IFT81: variants seen among roughly 807,000 people sequenced by gnomAD.
IFT81 encodes intraflagellar transport 81.
Under a neutral mutation model 102.6 loss-of-function variants are expected in IFT81, and 72 were observed. The ratio of observed to expected loss-of-function variants is 0.70; its 90% CI spans 0.58 to 0.85. The LOEUF (loss-of-function observed/expected upper bound fraction) is 0.85. Ranked by LOEUF, IFT81 falls within the 40% of genes least tolerant of loss-of-function variation. The pLI is 0.00. For synonymous variants in IFT81, 237 were observed against 242.7 expected, an observed-to-expected ratio of 0.98 and a Z score of 0.22; for missense variants, 723 against 787.3, an observed-to-expected ratio of 0.92 and a Z score of 0.98.
intron 14 of IFT81, among the ~76,000 whole-genome samples, chr12:110,201,008 A>T (rs1239187220): frequency 6.6e-6 from 1 of 152,174 alleles, no homozygotes; most frequent in Non-Finnish European, 1.5e-5. Context: ...AAAAAAATTG[A>T]CTTTTTTGTA....
chr12:110,165,231 G>A (rs370688786), intron 11 of IFT81, among the ~76,000 whole-genome samples: 11 of 152,194 alleles, frequency 7.2e-5, no homozygotes, highest in South Asian at 4.2e-4. Flanking sequence ...AGAAGGTATC[G>A]GGGAACATTA....
At chr12:110,191,505 T>C (rs1238476332) in intron 13 of IFT81, among the ~76,000 whole-genome samples, 1 of 152,198 alleles carries the variant, frequency 6.6e-6, no homozygotes, top group African/African-American at 2.4e-5. Context: ...TGAATTTTTT[T>C]CATTCTAGTA....
rs1450404153 is a variant in IFT81, at chr12:110,180,410, T to G, written c.1189-12T>G. 6.5e-7 allele frequency: 1 copy of G among 1,542,814 alleles called. No homozygotes were observed. The highest frequency in any genetic ancestry group is 1.4e-5 in the African/African-American group (1 of 73,552). On this transcript the variant is annotated splice_polypyrimidine_tract_variant and intron_variant, in intron 11 of 18. Transcript: ENST00000242591. ...TCTACTCATTAGATTACATATTGTG[T>G]TTTTTTTACAGTTCAAACGATATGT...
chr12:110,211,759 G>A (rs1869475031), intron 18 of IFT81, among the ~76,000 whole-genome samples: 1 of 151,508 alleles, frequency 6.6e-6, no homozygotes, highest in South Asian at 2.1e-4. Context: ...CATCCACCTT[G>A]GCCTCCCAAA....
intron 12 of IFT81, among the ~76,000 whole-genome samples, chr12:110,189,064 C>T (rs1335444625): frequency 6.6e-6 from 1 of 152,040 alleles, no homozygotes; most frequent in Non-Finnish European, 1.5e-5. Context: ...TCCTGTAAAA[C>T]TTCTTCTTCT....
At chr12:110,126,642 T>C (rs1306875705) in intron 1 of IFT81, among the ~76,000 whole-genome samples, 1 of 152,156 alleles carries the variant, frequency 6.6e-6, no homozygotes, top group Non-Finnish European at 1.5e-5. Context: ...TGCCAGATCA[T>C]AAAGAGTCTG....
At chr12:110,174,337 C>G (rs1305010426) in intron 11 of IFT81, among the ~76,000 whole-genome samples, 2 of 147,432 alleles carry the variant, frequency 1.4e-5, no homozygotes, top group Non-Finnish European at 3.0e-5. Context: ...TGCCTGTAAT[C>G]CCAGCTACTT....
At chr12:110,188,526 ACT>A (rs1241555454) in intron 12 of IFT81, among the ~76,000 whole-genome samples, 3 of 151,088 alleles carry the variant, frequency 2.0e-5, no homozygotes, top group Admixed American at 2.0e-4. Context: ...CAGAATCTTA[ACT>A]CTTCTTCCAT....
chr12:110,191,371 A>G (rs982472844), intron 13 of IFT81, among the ~76,000 whole-genome samples: 5 of 151,890 alleles, frequency 3.3e-5, no homozygotes, highest in African/African-American at 1.2e-4. Context: ...GGGTTTCACC[A>G]TGTTGGGCAG....
At chr12:110,132,926 A>G (rs1303996262) in intron 5 of IFT81, among the ~76,000 whole-genome samples, 2 of 151,140 alleles carry the variant, frequency 1.3e-5, no homozygotes, top group Non-Finnish European at 1.5e-5. Flanking sequence ...AAGAACCTAG[A>G]GTCTATATTT....
intron 1 of IFT81, 109 bp from the exon 2 acceptor site, chr12:110,127,251 A>C (rs1208612929): frequency 1.2e-5 from 12 of 1,038,170 alleles, no homozygotes; most frequent in Non-Finnish European, 1.6e-5. Context: ...TTTGTATGCC[A>C]TGTAAAATTA....
chr12:110,196,021 G>T (rs1354974404), intron 14 of IFT81, among the ~76,000 whole-genome samples: 1 of 152,178 alleles, frequency 6.6e-6, no homozygotes, highest in African/African-American at 2.4e-5. Context: ...GTGTTCATCA[G>T]ATCAGGCTTA....
At chr12:110,152,640 A>G (rs1462376193) in intron 10 of IFT81, among the ~76,000 whole-genome samples, 1 of 150,900 alleles carries the variant, frequency 6.6e-6, no homozygotes, top group African/African-American at 2.4e-5. Flanking sequence ...ATAGGGTCTC[A>G]CTCTATTGCC....
Position 110,147,038 on chromosome 12 carries a change from A to G in IFT81, c.1031A>G (p.Tyr344Cys), listed in dbSNP as rs1268715243. The change falls in exon 10 of 19, where the codon TAT becomes TGT. Residue 344 changes from tyrosine to cysteine, a missense_variant. Tyr to Cys is a radical substitution (Grantham distance 194). Transcript: ENST00000242591. ...NEPIEGKLSL[Y>C]RQQASIISRK... ...CCCATTGAAGGCAAACTCTCACTGTATAGGCAACAGGTAAGAACATTCTTT... is the reference window on the plus strand; with the variant it reads ...CCCATTGAAGGCAAACTCTCACTGTGTAGGCAACAGGTAAGAACATTCTTT... The G allele has an allele frequency of 2.5e-6, 4 of 1,607,088 alleles. No homozygotes were observed. Among genetic ancestry groups the G allele is most frequent in the Non-Finnish European group, 3.4e-6 (4 of 1,177,348 alleles).
intron 10 of IFT81, 67 bp from the exon 11 acceptor site, chr12:110,162,852 A>G: frequency 7.3e-7 from 1 of 1,364,420 alleles, no homozygotes; most frequent in Middle Eastern, 1.9e-4. Context: ...AAAAATAGAT[A>G]ATTTCACAAG....
intron 11 of IFT81, among the ~76,000 whole-genome samples, chr12:110,177,267 TTTTTG>T (rs371205633): frequency 7.2e-4 from 109 of 152,110 alleles, no homozygotes; most frequent in Admixed American, 1.8e-3. Flanking sequence ...AAAGTTTGTT[TTTTTG>T]TTTTGTTTTG....
At chr12:110,128,342 T>C (rs989405196) in intron 3 of IFT81, among the ~76,000 whole-genome samples, 193 bp downstream of exon 3, 4 of 150,904 alleles carry the variant, frequency 2.7e-5, no homozygotes, top group African/African-American at 9.8e-5. Context: ...GTTCTTTGCC[T>C]TAATCAAACT....
At chr12:110,132,320 C>T (rs556176180) in intron 4 of IFT81, among the ~76,000 whole-genome samples, 3 of 149,338 alleles carry the variant, frequency 2.0e-5, no homozygotes, top group Non-Finnish European at 2.9e-5. Context: ...ATTAGCCGGG[C>T]GTGGTGGCGC....
At position 110,218,232 on chromosome 12, in the gene IFT81, T is replaced by G. The variant is rs184963764; in HGVS notation, c.*6T>G. 1 of 1,514,786 alleles carries G rather than the reference T, an allele frequency of 6.6e-7. No individual in the cohort carries two copies. Among genetic ancestry groups the G allele is most frequent in the East Asian group, 2.4e-5 (1 of 42,282 alleles). 93.8% of individuals were successfully genotyped at this position (1,514,786 alleles called of 1,614,324 possible). A position where few individuals can be genotyped will look rare whatever the true frequency, so the allele number is the denominator to read the frequency against. On this transcript the variant is annotated 3_prime_UTR_variant, in exon 19 of 19. Coordinates refer to ENST00000242591, the MANE Select transcript of IFT81 (RefSeq NM_014055.4). ...AGGACCGGCTAATACTGTGAATTCT[T>G]GTGTCATCGTTTGGGGTTTTACTTG...
Sources: allele counts gnomAD v4.1 joint callset (sites outside exome capture counted in the v4.1 genomes callset), GRCh38; gene constraint gnomAD v4.1.1; transcripts MANE v1.5; gene names NCBI Gene and HGNC (gene_info 2026-07-23, HGNC 2026-07-21).